The following DRC9 variants were observed in gnomAD, a reference collection of about 807,000 sequenced individuals.
The protein encoded by DRC9 is dynein regulatory complex subunit 9, also known as dynein regulatory complex protein 9.
chr3:197,943,649 AAAAGAAAC>A, the DRC9 span: 1 of 898,416 alleles, frequency 1.1e-6, no homozygotes, highest in Non-Finnish European at 1.7e-6. Flanking sequence ...AAAAAAAAAG[AAAAGAAAC>A]AAAGAAGGAA....
the DRC9 span, chr3:197,943,865 C>G: frequency 6.2e-7 from 1 of 1,613,776 alleles, no homozygotes; most frequent in Non-Finnish European, 8.5e-7. Context: ...CCAGAACTGC[C>G]GAGATCCTCA....
the DRC9 span, chr3:197,954,346 TG>T: frequency 3.2e-6 from 2 of 628,412 alleles, no homozygotes; most frequent in Non-Finnish European, 2.8e-6. Context: ...GTTTTTTTTT[TG>T]GGGGGAGACA....
the DRC9 span, among the ~76,000 whole-genome samples, chr3:197,893,640 G>A: frequency 6.6e-6 from 1 of 150,542 alleles, no homozygotes; most frequent in Non-Finnish European, 1.5e-5. Context: ...TCAGGAGATC[G>A]AGACCATCCT....
the DRC9 span, among the ~76,000 whole-genome samples, chr3:197,946,396 C>G: frequency 4.2e-5 from 6 of 141,960 alleles, no homozygotes; most frequent in African/African-American, 1.7e-4. Context: ...GATCGCGCCA[C>G]TGCACTCCAG....
At chr3:197,917,727 C>A in the DRC9 span, among the ~76,000 whole-genome samples, 1 of 147,740 alleles carries the variant, frequency 6.8e-6, no homozygotes, top group South Asian at 2.1e-4. Flanking sequence ...TTCCCCATTT[C>A]TCTTTTCTCT....
chr3:197,892,185 CA>C, the DRC9 span, among the ~76,000 whole-genome samples: 1 of 152,284 alleles, frequency 6.6e-6, no homozygotes, highest in South Asian at 2.1e-4. Context: ...CCACCATGCC[CA>C]GCAGTAGCTG....
the DRC9 span, among the ~76,000 whole-genome samples, chr3:197,904,570 A>G: frequency 6.6e-6 from 1 of 152,234 alleles, no homozygotes; most frequent in African/African-American, 2.4e-5. Flanking sequence ...ACGAACGGAT[A>G]AAGAAAAGGT....
At chr3:197,900,381 A>G in the DRC9 span, among the ~76,000 whole-genome samples, 3 of 152,206 alleles carry the variant, frequency 2.0e-5, no homozygotes, top group Non-Finnish European at 4.4e-5. The surrounding 1 kb of genome is among the most constrained non-coding windows in gnomAD (Gnocchi z 4.7). Context: ...GAGGAGAGGG[A>G]AGAGTACAGA....
At chr3:197,910,982 C>CAAAAAAAAAAAA in the DRC9 span, among the ~76,000 whole-genome samples, 6 of 61,412 alleles carry the variant, frequency 9.8e-5, no homozygotes, top group Admixed American at 1.9e-4. Flanking sequence ...AAAAACAAAA[C>CAAAAAAAAAAAA]AAAAAAAAAA....
At chr3:197,954,329 GTTTT>G in the DRC9 span, 1 of 675,914 alleles carries the variant, frequency 1.5e-6, no homozygotes, top group Non-Finnish European at 2.5e-6. Flanking sequence ...TTGGTTGTTT[GTTTT>G]TTGTTTTTTT....
the DRC9 span, chr3:197,913,900 A>G: frequency 2.5e-6 from 4 of 1,614,026 alleles, no homozygotes; most frequent in Middle Eastern, 1.6e-4. Flanking sequence ...TTCCACCAAG[A>G]GTTCCTCTGT....
chr3:197,892,621 T>C, the DRC9 span: 2 of 1,614,018 alleles, frequency 1.2e-6, no homozygotes, highest in Non-Finnish European at 1.7e-6. Context: ...CCTAATTCCT[T>C]CCTTACCATC....
chr3:197,913,343 TGCGTGTGTGCGTGC>T, the DRC9 span: 11 of 233,028 alleles, frequency 4.7e-5, no homozygotes, highest in African/African-American at 1.4e-4. Flanking sequence ...CGTGCGTGCG[TGCGTGTGTGCGTGC>T]GTGCGTGTGT....
chr3:197,951,017 A>C, the DRC9 span: 4 of 1,608,826 alleles, frequency 2.5e-6, no homozygotes, highest in Non-Finnish European at 3.4e-6. Context: ...TTTGTGTGTT[A>C]GACGTGAACG....
At chr3:197,955,509 G>C in the DRC9 span, among the ~76,000 whole-genome samples, 1 of 152,038 alleles carries the variant, frequency 6.6e-6, no homozygotes, top group African/African-American at 2.4e-5. Context: ...GGATCTGCCC[G>C]CCTAGGCCTC....
chr3:197,926,200 G>T, the DRC9 span: 38 of 699,646 alleles, frequency 5.4e-5, no homozygotes, highest in South Asian at 5.7e-4. Context: ...CAGATTCCTG[G>T]CCTCTTCCCC....
At chr3:197,901,944 G>A in the DRC9 span, among the ~76,000 whole-genome samples, 71 of 152,312 alleles carry the variant, frequency 4.7e-4, no homozygotes, top group South Asian at 1.7e-3. This position sits in a 1 kb window ranked among gnomAD's most constrained non-coding sequence, Gnocchi z 4.4. Flanking sequence ...GCTGGCTTCA[G>A]GTATGACCTA....
the DRC9 span, among the ~76,000 whole-genome samples, chr3:197,920,427 T>TA: frequency 2.2e-3 from 261 of 116,406 alleles, 1 homozygote; most frequent in South Asian, 0.015. Flanking sequence ...CCATCTCAAT[T>TA]AAAAAAAAAA....
chr3:197,952,159 TG>T, the DRC9 span, among the ~76,000 whole-genome samples: 2 of 144,200 alleles, frequency 1.4e-5, no homozygotes, highest in African/African-American at 5.2e-5. Context: ...CTTAAAATTA[TG>T]GGTTTTTTTT....
Sources: allele counts gnomAD v4.1 joint callset (sites outside exome capture counted in the v4.1 genomes callset), GRCh38; gene constraint gnomAD v4.1.1; non-coding constraint Gnocchi (gnomAD v3.1); transcripts MANE v1.5; gene names NCBI Gene and HGNC (gene_info 2026-07-23, HGNC 2026-07-21).